The following LRP1B variants were observed in gnomAD, a reference collection of about 807,000 sequenced individuals.
LRP1B encodes the protein low-density lipoprotein receptor-related protein 1B.
LRP1B carries 217 observed loss-of-function variants against 556.6 expected under a neutral mutation model. The observed-to-expected ratio is 0.39, with a 90% CI of 0.35 to 0.44. The LOEUF is 0.44. Among genes scored for constraint, LRP1B ranks in the 20% least tolerant of loss-of-function variants. The pLI is 1.00. For missense variants in LRP1B, 5,053 were observed against 5,620.8 expected, an observed-to-expected ratio of 0.90 and a Z score of 3.23; for synonymous variants, 2,047 against 1,865.8, an observed-to-expected ratio of 1.10 and a Z score of -2.50.
At chr2:141,440,581 A>G (rs915926217) in intron 3 of LRP1B, among the ~76,000 whole-genome samples, 5 of 152,296 alleles carry the variant, frequency 3.3e-5, no homozygotes, top group African/African-American at 9.6e-5. Flanking sequence ...CTTCTCTTTC[A>G]ACCTAACATT....
intron 3 of LRP1B, among the ~76,000 whole-genome samples, chr2:141,478,017 A>C (rs1425606340): frequency 3.3e-5 from 5 of 152,190 alleles, no homozygotes; most frequent in African/African-American, 1.2e-4. Flanking sequence ...GAAACACTTA[A>C]ATAACTGAAT....
At chr2:140,619,395 T>A (rs544923010) in intron 41 of LRP1B, among the ~76,000 whole-genome samples, 90 of 152,300 alleles carry the variant, frequency 5.9e-4, no homozygotes, top group African/African-American at 2.0e-3. Flanking sequence ...TATACTTTTT[T>A]AAAACATTTT....
At chr2:141,639,706 C>G (rs1225787416) in intron 2 of LRP1B, among the ~76,000 whole-genome samples, 2 of 151,970 alleles carry the variant, frequency 1.3e-5, no homozygotes, top group African/African-American at 4.8e-5. Flanking sequence ...TCTTCATTAG[C>G]TTTCCAATGA....
chr2:141,327,875 TGA>T lies in LRP1B; in HGVS notation c.344-73236_344-73235del, dbSNP rs757095809. Among the ~76,000 whole-genome samples the T allele has an allele frequency of 9.1e-3, 820 of 90,174 alleles. 11 individuals carry two copies. Among genetic ancestry groups the T allele is most frequent in the African/African-American group, 0.036 (684 of 19,116 alleles). 59.2% of individuals were successfully genotyped at this position (90,174 alleles called of 152,430 possible). ...GATGGGTAGGTAGATAGATAAAGAG[TGA>T]GAGAGAGAGAGAGAGAGAGAGAGAC... On this transcript the variant is annotated intron_variant, in intron 3 of 90. Transcript: ENST00000389484.
chr2:140,819,633 C>A (rs1165879021), intron 31 of LRP1B, among the ~76,000 whole-genome samples: 1 of 151,926 alleles, frequency 6.6e-6, no homozygotes, highest in Admixed American at 6.6e-5. Flanking sequence ...GGCAAATAAA[C>A]ACATAAAAAG....
At chr2:140,725,419 T>A (rs530308986) in intron 35 of LRP1B, among the ~76,000 whole-genome samples, 8 of 151,670 alleles carry the variant, frequency 5.3e-5, no homozygotes, top group Non-Finnish European at 1.2e-4. Context: ...GAAATAGAAT[T>A]TCTGGAAACA....
intron 41 of LRP1B, among the ~76,000 whole-genome samples, chr2:140,639,872 TG>T (rs1291686482): frequency 6.6e-6 from 1 of 152,172 alleles, no homozygotes; most frequent in African/African-American, 2.4e-5. Flanking sequence ...CTGGCCCACT[TG>T]CTTTTCCTTG....
intron 10 of LRP1B, among the ~76,000 whole-genome samples, chr2:141,052,739 G>A (rs1425865578): frequency 6.6e-6 from 1 of 152,008 alleles, no homozygotes; most frequent in Non-Finnish European, 1.5e-5. Flanking sequence ...CTGGGCTCAA[G>A]CTATCCTCCT....
At chr2:141,049,996 T>C (rs1483943774) in intron 10 of LRP1B, among the ~76,000 whole-genome samples, 3 of 152,002 alleles carry the variant, frequency 2.0e-5, no homozygotes, top group African/African-American at 7.2e-5. Context: ...TAAAAATATA[T>C]ACAAGATTCT....
intron 18 of LRP1B, among the ~76,000 whole-genome samples, chr2:140,953,233 G>A (rs1311254733): frequency 1.3e-5 from 2 of 152,076 alleles, no homozygotes; most frequent in Non-Finnish European, 2.9e-5. Context: ...TGGGACTATA[G>A]GTGCGCACCA....
chr2:141,570,521 C>T (rs1686488075), intron 2 of LRP1B, among the ~76,000 whole-genome samples: 1 of 151,344 alleles, frequency 6.6e-6, no homozygotes, highest in Non-Finnish European at 1.5e-5. Context: ...CTTAAGCCTA[C>T]TGATCTCCCA....
At position 140,259,592 on chromosome 2, in the gene LRP1B, C is replaced by T. The variant is rs575747781; in HGVS notation, c.13247+10650G>A. Among the ~76,000 whole-genome samples the T allele has an allele frequency of 4.6e-5, 7 of 152,008 alleles. No individual in the cohort carries two copies. In the South Asian group the frequency reaches 6.2e-4, roughly 14 times the overall value. On this transcript the variant is annotated intron_variant, in intron 86 of 90. Transcript: ENST00000389484. ...GAATGATAAGTGTATCATAAGCTGC[C>T]GTACTCCATAATACAATACAGGAAC...
intron 11 of LRP1B, among the ~76,000 whole-genome samples, chr2:141,039,819 G>A (rs1698643449): frequency 6.6e-6 from 1 of 152,042 alleles, no homozygotes; most frequent in South Asian, 2.1e-4. Flanking sequence ...TCGTATGCAT[G>A]TCTACTTTTC....
intron 7 of LRP1B, among the ~76,000 whole-genome samples, chr2:141,118,572 T>C (rs1404472519): frequency 2.0e-5 from 3 of 151,934 alleles, no homozygotes; most frequent in Admixed American, 1.3e-4. Flanking sequence ...AGCGAAGAGA[T>C]TGAAATAAGT....
chr2:140,639,029 C>G (rs1684177561), intron 41 of LRP1B, among the ~76,000 whole-genome samples: 1 of 151,648 alleles, frequency 6.6e-6, no homozygotes, highest in South Asian at 2.1e-4. Flanking sequence ...TTATTCTTTT[C>G]CCAAGCTGTG....
At chr2:141,543,530 A>AG (rs1685345403) in intron 2 of LRP1B, among the ~76,000 whole-genome samples, 1 of 150,404 alleles carries the variant, frequency 6.6e-6, no homozygotes, top group African/African-American at 2.4e-5. Context: ...AAAAAAAAAA[A>AG]AAAAAAAAGT....
intron 1 of LRP1B, among the ~76,000 whole-genome samples, chr2:142,070,742 C>G (rs952953377): frequency 1.3e-5 from 2 of 151,824 alleles, no homozygotes; most frequent in African/African-American, 4.8e-5. Flanking sequence ...TATCTGAAAC[C>G]AGGCAAACTA....
At chr2:142,099,117 A>G (rs1191466863) in intron 1 of LRP1B, among the ~76,000 whole-genome samples, 1 of 151,846 alleles carries the variant, frequency 6.6e-6, no homozygotes. Flanking sequence ...TATCCAGTAC[A>G]TAATGTACAC....
chr2:141,157,132 A>T (rs931324675), intron 7 of LRP1B, among the ~76,000 whole-genome samples: 1 of 152,172 alleles, frequency 6.6e-6, no homozygotes. Context: ...TTTATAAAAA[A>T]TATGGATATA....
Sources: gnomAD v4.1 joint callset for allele counts (sites outside exome capture counted in the v4.1 genomes callset) on GRCh38, gnomAD v4.1.1 for gene constraint, MANE v1.5 for transcripts, NCBI Gene and HGNC (gene_info 2026-07-23, HGNC 2026-07-21) for gene names.